Variants in CDYL2 observed in about 807,000 individuals in gnomAD.
The protein encoded by CDYL2 is chromodomain Y-like protein 2.
A neutral mutation model predicts 49.4 loss-of-function variants in CDYL2; 23 were observed. The observed-to-expected ratio is 0.47, with a 90% CI of 0.34 to 0.66. CDYL2 has a LOEUF of 0.66. CDYL2 is among the 30% of genes least tolerant of loss of function. The pLI, the probability that CDYL2 is intolerant of heterozygous loss-of-function variation, is 0.01. For missense variants in CDYL2, 678 were observed against 656.4 expected (o/e 1.03, Z -0.36); for synonymous variants, 360 against 268.8 (o/e 1.34, Z -3.32).
In CDYL2 at chr16:80,804,274, T is replaced by C; in HGVS notation, c.-101A>G. 5.5e-6 allele frequency: 6 copies of C among 1,099,742 alleles called. No homozygotes were observed. The highest frequency in any genetic ancestry group is 4.6e-4 in the Middle Eastern group (2 of 4,334). 68.1% of individuals were successfully genotyped at this position (1,099,742 alleles called of 1,614,324 possible). Reference sequence around the variant, plus strand: ...CGGTGTGCGCGTGTGTGTGCGCGCGTGTGTGTGCGAGTGTGTGTGGTGTGT... The same window carrying C: ...CGGTGTGCGCGTGTGTGTGCGCGCGCGTGTGTGCGAGTGTGTGTGGTGTGT... On this transcript the variant is annotated 5_prime_UTR_variant, in exon 1 of 7. Transcript: ENST00000570137.
intron 2 of CDYL2, among the ~76,000 whole-genome samples, chr16:80,638,944 TA>T (rs1907960289): frequency 6.6e-6 from 1 of 152,024 alleles, no homozygotes; most frequent in Non-Finnish European, 1.5e-5. Flanking sequence ...CATAAGACAC[TA>T]AAAACATGAT....
intron 1 of CDYL2, among the ~76,000 whole-genome samples, chr16:80,799,573 C>T (rs1193423284): frequency 1.3e-5 from 2 of 152,202 alleles, no homozygotes; most frequent in African/African-American, 4.8e-5. Flanking sequence ...AATCTAAATG[C>T]ATGCCTCCAA....
At chr16:80,673,868 G>T (rs1288027221) in intron 2 of CDYL2, among the ~76,000 whole-genome samples, 1 of 152,182 alleles carries the variant, frequency 6.6e-6, no homozygotes, top group East Asian at 1.9e-4. Flanking sequence ...TTGTAAGAGG[G>T]AGGCAGGGGG....
chr16:80,665,798 C>A (rs1909238195), intron 2 of CDYL2, among the ~76,000 whole-genome samples: 1 of 152,134 alleles, frequency 6.6e-6, no homozygotes, highest in African/African-American at 2.4e-5. Flanking sequence ...AGGTGAAAAA[C>A]TCAAGACTCT....
chr16:80,641,993 T>A (rs749659327), intron 2 of CDYL2, among the ~76,000 whole-genome samples: 68 of 151,702 alleles, frequency 4.5e-4, no homozygotes, highest in Non-Finnish European at 7.4e-4. Flanking sequence ...TACTATAACA[T>A]TGTAACTGTG....
intron 3 of CDYL2, among the ~76,000 whole-genome samples, chr16:80,632,379 G>C (rs1355835149): frequency 6.6e-6 from 1 of 152,148 alleles, no homozygotes; most frequent in Admixed American, 6.5e-5. Flanking sequence ...TACAGAGACA[G>C]AAAGTAGATG....
chr16:80,711,486 T>G (rs540557477), intron 1 of CDYL2, among the ~76,000 whole-genome samples: 1 of 151,944 alleles, frequency 6.6e-6, no homozygotes, highest in Non-Finnish European at 1.5e-5. Flanking sequence ...AATAAAAGAG[T>G]TGACATTTCC....
chr16:80,685,812 C>T (rs1348931715), intron 1 of CDYL2, among the ~76,000 whole-genome samples: 1 of 152,110 alleles, frequency 6.6e-6, no homozygotes, highest in Admixed American at 6.5e-5. Flanking sequence ...GGGTTTGAAC[C>T]ACTCTCACCT....
chr16:80,718,040 A>G (rs1904869345), intron 1 of CDYL2, among the ~76,000 whole-genome samples: 1 of 152,170 alleles, frequency 6.6e-6, no homozygotes, highest in South Asian at 2.1e-4. Context: ...ATCCTGACAA[A>G]CCCAGGAGGG....
intron 1 of CDYL2, among the ~76,000 whole-genome samples, chr16:80,790,469 G>C (rs1004869096): frequency 4.6e-5 from 7 of 152,302 alleles, no homozygotes; most frequent in African/African-American, 1.4e-4. Flanking sequence ...GGCAGCTATT[G>C]TGTGGCTCCC....
intron 2 of CDYL2, among the ~76,000 whole-genome samples, chr16:80,640,205 G>A (rs548435539): frequency 6.6e-6 from 1 of 152,190 alleles, no homozygotes; most frequent in African/African-American, 2.4e-5. Context: ...ATCCAAAAGA[G>A]ATCCCTCCTT....
At chr16:80,683,611 C>G (rs1256038175) in intron 2 of CDYL2, among the ~76,000 whole-genome samples, 1 of 152,220 alleles carries the variant, frequency 6.6e-6, no homozygotes, top group Non-Finnish European at 1.5e-5. Context: ...GGACCCACTA[C>G]AGTCTGAACA....
Position 80,685,101 on chromosome 16 carries a change from T to C in CDYL2, c.53A>G (p.Asn18Ser), listed in dbSNP as rs1360291797. 3 of 1,613,396 alleles carry C rather than the reference T, an allele frequency of 1.9e-6. No homozygotes were observed. In the South Asian group the frequency reaches 3.3e-5, roughly 18 times the overall value. Residue 18 changes from asparagine (N) to serine (S), a missense_variant, in exon 2 of 7, where the codon AAC (asparagine) becomes AGC (serine). Physicochemically the swap from Asn to Ser is conservative, Grantham distance 46. Transcript: ENST00000570137. Reference protein sequence around the residue: ...EVERIVDKRKNKKGKWEYLIR... With the variant: ...EVERIVDKRKSKKGKWEYLIR... ...AAGATACTCCCATTTTCCTTTCTTG[T>C]TCTTCCTCTTGTCTACAATCCTTTC...
chr16:80,766,422 A>G (rs1015434425), intron 1 of CDYL2, among the ~76,000 whole-genome samples: 1 of 152,198 alleles, frequency 6.6e-6, no homozygotes, highest in Non-Finnish European at 1.5e-5. Flanking sequence ...GAAGGCTGAA[A>G]ATTTTCATAG....
At chr16:80,780,432 T>G (rs377290732) in intron 1 of CDYL2, among the ~76,000 whole-genome samples, 18 of 125,934 alleles carry the variant, frequency 1.4e-4, no homozygotes, top group African/African-American at 5.8e-4. Flanking sequence ...GCAGACAGAG[T>G]CTTGCTCTGT....
intron 2 of CDYL2, among the ~76,000 whole-genome samples, chr16:80,649,872 G>C (rs1908512199): frequency 6.6e-6 from 1 of 152,116 alleles, no homozygotes; most frequent in South Asian, 2.1e-4. Flanking sequence ...GGGAAAGATA[G>C]CTTCTTCAAT....
intron 1 of CDYL2, among the ~76,000 whole-genome samples, chr16:80,768,623 C>T (rs1373872792): frequency 6.6e-6 from 1 of 152,128 alleles, no homozygotes; most frequent in African/African-American, 2.4e-5. Context: ...TCTATGTGGG[C>T]CCACCTTCTA....
intron 2 of CDYL2, 52 bp from the exon 3 acceptor site, chr16:80,633,288 G>C (rs142824718): frequency 3.2e-5 from 50 of 1,559,480 alleles, no homozygotes; most frequent in African/African-American, 9.5e-5. Flanking sequence ...CACGATCCTA[G>C]AAGGATGTGA....
intron 2 of CDYL2, among the ~76,000 whole-genome samples, chr16:80,671,388 G>A (rs1909501384): frequency 6.6e-6 from 1 of 152,130 alleles, no homozygotes; most frequent in Non-Finnish European, 1.5e-5. Context: ...CATTAGAGTG[G>A]CTGCCACAAG....
Sources: allele counts gnomAD v4.1 joint callset (sites outside exome capture counted in the v4.1 genomes callset), GRCh38; gene constraint gnomAD v4.1.1; transcripts MANE v1.5; gene names NCBI Gene and HGNC (gene_info 2026-07-23, HGNC 2026-07-21).